Variants in YBEY observed in about 807,000 individuals in gnomAD.
YBEY encodes the protein endoribonuclease YbeY.
In YBEY, 15 loss-of-function variants were observed where a neutral mutation model predicts 13.5. The observed-to-expected ratio is 1.11, with a 90% CI of 0.75 to 1.72. The LOEUF is 1.72. Among genes scored for constraint, YBEY ranks in the 40% most tolerant of loss-of-function variants. The pLI is 0.00. For synonymous variants in YBEY, 101 were observed against 83.1 expected (o/e 1.21, Z -1.17); for missense variants, 244 against 208.4 (o/e 1.17, Z -1.05).
intron 3 of YBEY, chr21:46,291,706 C>T: frequency 2.4e-6 from 3 of 1,276,178 alleles, no homozygotes; most frequent in Non-Finnish European, 3.0e-6. Flanking sequence ...GCCTTCTCAG[C>T]TTTTATCTCT....
chr21:46,291,936 C>G (rs879384223), intron 3 of YBEY: 39 of 692,022 alleles, frequency 5.6e-5, no homozygotes, highest in Non-Finnish European at 6.8e-5. Context: ...GCTAGCCAAG[C>G]AGAAAGGCTG....
At chr21:46,303,691 C>G in the YBEY span, among the ~76,000 whole-genome samples, 1 of 114,714 alleles carries the variant, frequency 8.7e-6, no homozygotes, top group Non-Finnish European at 1.8e-5. Flanking sequence ...CACACACACA[C>G]ACACACACAC....
At chr21:46,294,875 T>G (rs537438731) in intron 3 of YBEY, among the ~76,000 whole-genome samples, 1 of 152,244 alleles carries the variant, frequency 6.6e-6, no homozygotes, top group East Asian at 1.9e-4. Context: ...TGGATCCAAG[T>G]GCATCTGTGT....
chr21:46,310,771 T>C, the YBEY span, among the ~76,000 whole-genome samples: 1 of 151,746 alleles, frequency 6.6e-6, no homozygotes, highest in African/African-American at 2.4e-5. Context: ...GATCATGCCA[T>C]TGTATTCCAG....
At chr21:46,291,647 T>G in intron 3 of YBEY, 185 bp downstream of exon 3, 1 of 1,392,272 alleles carries the variant, frequency 7.2e-7, no homozygotes, top group Non-Finnish European at 9.3e-7. Flanking sequence ...CATGCCACAG[T>G]TGAAGGAGGG....
chr21:46,299,469 C>A (rs909504761), downstream of YBEY, among the ~76,000 whole-genome samples: 2 of 152,130 alleles, frequency 1.3e-5, no homozygotes, highest in Non-Finnish European at 1.5e-5. Context: ...ATTCTGGACC[C>A]TCTTGCAAGC....
the YBEY span, among the ~76,000 whole-genome samples, chr21:46,311,012 C>T: frequency 6.6e-5 from 10 of 151,702 alleles, no homozygotes; most frequent in Admixed American, 5.3e-4. Context: ...GCTGGGATTA[C>T]AGGCATCCAT....
At chr21:46,295,171 C>T (rs1461603519) in intron 3 of YBEY, among the ~76,000 whole-genome samples, 1 of 152,126 alleles carries the variant, frequency 6.6e-6, no homozygotes, top group Non-Finnish European at 1.5e-5. Flanking sequence ...GCATTTCTTC[C>T]TCGGGCCCAG....
intron 4 of YBEY, among the ~76,000 whole-genome samples, chr21:46,296,787 G>A (rs11700435): frequency 6.6e-6 from 1 of 151,128 alleles, no homozygotes; most frequent in East Asian, 2.0e-4. Flanking sequence ...CTGAGGTTGG[G>A]AGTTCGCGAC....
At chr21:46,290,500 G>C (rs1213798182) in intron 2 of YBEY, among the ~76,000 whole-genome samples, 1 of 151,892 alleles carries the variant, frequency 6.6e-6, no homozygotes, top group African/African-American at 2.4e-5. Context: ...CACCACGCCT[G>C]GCTATTCTGA....
chr21:46,310,510 C>A, the YBEY span, among the ~76,000 whole-genome samples: 24,409 of 146,630 alleles, frequency 0.17, 3,057 homozygotes, highest in African/African-American at 0.36. Flanking sequence ...AAAAAAAAAA[C>A]AAAACTTGTC....
At chr21:46,311,595 T>C in the YBEY span, 1 of 1,404,398 alleles carries the variant, frequency 7.1e-7, no homozygotes, top group South Asian at 1.2e-5. Flanking sequence ...ATTAGCTATC[T>C]GCATATGTCC....
chr21:46,300,795 C>T (rs374393630), downstream of YBEY: 26 of 1,288,424 alleles, frequency 2.0e-5, no homozygotes, highest in East Asian at 1.0e-3. Context: ...AGAATCTGTC[C>T]TAATAGGGGG....
At chr21:46,302,622 C>A, downstream of YBEY, 2 of 1,474,850 alleles carry the variant, frequency 1.4e-6, no homozygotes, top group South Asian at 1.2e-5. Flanking sequence ...TTCCGTTTTT[C>A]CTATTTGTTA....
At chr21:46,299,047 C>CTTTTTTTTTTTTTTT (rs58361649), downstream of YBEY, among the ~76,000 whole-genome samples, 1 of 108,872 alleles carries the variant, frequency 9.2e-6, no homozygotes, top group African/African-American at 3.5e-5. Flanking sequence ...TTCTTTCTTT[C>CTTTTTTTTTTTTTTT]TTTTTTTTTT....
intron 4 of YBEY, among the ~76,000 whole-genome samples, chr21:46,296,881 C>G (rs1303943947): frequency 2.6e-5 from 4 of 152,082 alleles, no homozygotes; most frequent in Non-Finnish European, 5.9e-5. Context: ...GTAATCCCAG[C>G]TACTCAGGAG....
the YBEY span, among the ~76,000 whole-genome samples, chr21:46,305,072 A>G: frequency 5.9e-5 from 9 of 152,198 alleles, no homozygotes; most frequent in Admixed American, 2.0e-4. Flanking sequence ...GTAGTCACAC[A>G]AAGACAGATA....
chr21:46,289,689 G>A (rs1020138984), intron 2 of YBEY, among the ~76,000 whole-genome samples: 2 of 151,878 alleles, frequency 1.3e-5, no homozygotes, highest in African/African-American at 4.8e-5. Flanking sequence ...CCTGACCTCA[G>A]GTGATCTACC....
At chr21:46,301,873 T>C, downstream of YBEY, 1 of 1,309,766 alleles carries the variant, frequency 7.6e-7, no homozygotes, top group East Asian at 3.1e-5. Flanking sequence ...CAGTCCACAC[T>C]CGCGTAGCCA....
Sources: allele counts gnomAD v4.1 joint callset (sites outside exome capture counted in the v4.1 genomes callset), GRCh38; gene constraint gnomAD v4.1.1; transcripts MANE v1.5; gene names NCBI Gene and HGNC (gene_info 2026-07-23, HGNC 2026-07-21).